The following UBE2QL1 variants were observed in gnomAD, a reference collection of about 807,000 sequenced individuals.
UBE2QL1 encodes ubiquitin-conjugating enzyme E2Q-like protein 1.
In UBE2QL1, 5 loss-of-function variants were observed where a neutral mutation model predicts 12.6. The ratio of observed to expected loss-of-function variants is 0.40; its 90% CI spans 0.21 to 0.83. UBE2QL1 has a LOEUF of 0.83. Ranked by LOEUF, UBE2QL1 falls within the 40% of genes least tolerant of loss-of-function variation. UBE2QL1 has a pLI of 0.37. For missense variants in UBE2QL1, 99 were observed against 222.6 expected (o/e 0.44, Z 3.53); for synonymous variants, 96 against 94.5 (o/e 1.02, Z -0.10).
rs59455219 is a variant in UBE2QL1 at position 6,474,851 on chromosome 5, A to G, written c.355-16367A>G. Among the ~76,000 whole-genome samples, 1,245 of 152,266 alleles carry G rather than the reference A, an allele frequency of 8.2e-3. 11 individuals carry two copies. The highest frequency in any genetic ancestry group is 0.029 in the African/African-American group (1,208 of 41,556). On this transcript the variant is annotated intron_variant, in intron 1 of 1. Transcript: ENST00000399816. Reference sequence around the variant, plus strand: ...CTTTGAGCACAGTCTCCAGAACCCAACTGGAGTCCCACCAGGTCACATCCC... The same window carrying G: ...CTTTGAGCACAGTCTCCAGAACCCAGCTGGAGTCCCACCAGGTCACATCCC...
intron 1 of UBE2QL1, among the ~76,000 whole-genome samples, chr5:6,470,718 TG>T (rs1299217930): frequency 6.6e-6 from 1 of 152,148 alleles, no homozygotes. Flanking sequence ...CCCTGTCGGG[TG>T]ACAGTTAGGA....
chr5:6,452,962 G>A (rs1267913645), intron 1 of UBE2QL1, among the ~76,000 whole-genome samples: 10 of 152,144 alleles, frequency 6.6e-5, no homozygotes, highest in African/African-American at 1.7e-4. Context: ...ATTAGGCATC[G>A]CCAGGGGCAG....
chr5:6,461,507 G>T (rs1440100866), intron 1 of UBE2QL1, among the ~76,000 whole-genome samples: 1 of 139,596 alleles, frequency 7.2e-6, no homozygotes, highest in Non-Finnish European at 1.5e-5. Context: ...TAGGCAGAAA[G>T]CATCCTCCTA....
In UBE2QL1 at chr5:6,491,219, G is replaced by T. The variant is rs970644529; in HGVS notation, c.356G>T (p.Gly119Val). The T allele has an allele frequency of 6.5e-7, 1 of 1,548,362 alleles. No homozygotes were observed. The highest frequency in any genetic ancestry group is 8.7e-7 in the Non-Finnish European group (1 of 1,145,664). Reference sequence around the variant, plus strand: ...GGTTTTTCTTCTCATCTCACGCAGGGACGGATCTGTAGAAAAGCTGGCAAA... The same window carrying T: ...GGTTTTTCTTCTCATCTCACGCAGGTACGGATCTGTAGAAAAGCTGGCAAA... ...QFAASLVKGQ[G>V]RICRKAGKSK... The change falls in exon 2 of 2, where the codon GGA becomes GTA. Residue 119 changes from glycine to valine, a missense_variant and splice_region_variant. Transcript: ENST00000399816.
rs1052208387 is a variant in UBE2QL1, at chr5:6,491,968, A to G, written c.*619A>G. 2.0e-5 allele frequency: 3 copies of G among 152,282 alleles called. No individual in the cohort carries two copies. The highest frequency in any genetic ancestry group is 7.2e-5 in the African/African-American group (3 of 41,468). The allele number at this position is 152,282 out of a possible 1,614,324, so 9.4% of individuals were successfully genotyped here. ...CAGGTTCTAGTGATTTAAAACCACA[A>G]CTGCCCACTTGGTGAAAACGTGCTC... On this transcript the variant is annotated 3_prime_UTR_variant, in exon 2 of 2. Coordinates refer to ENST00000399816, the MANE Select transcript of UBE2QL1 (RefSeq NM_001145161.3).
chr5:6,467,831 T>C (rs272483), intron 1 of UBE2QL1, among the ~76,000 whole-genome samples: 148,027 of 151,908 alleles, frequency 0.97, 72,251 homozygotes, highest in Middle Eastern at 1. Context: ...ATCGACACAT[T>C]CCTCCTCACA....
intron 1 of UBE2QL1, among the ~76,000 whole-genome samples, chr5:6,451,317 TATA>T (rs139180682): frequency 0.02 from 3,019 of 152,282 alleles, 34 homozygotes; most frequent in Middle Eastern, 0.058. Context: ...TAATGCTGTG[TATA>T]ATAATAATTC....
In UBE2QL1 at chr5:6,494,698, T is replaced by C. The variant is rs1413516329; in HGVS notation, c.*3349T>C. 6.6e-6 allele frequency: 1 copy of C among 152,192 alleles called. No individual in the cohort carries two copies. The highest frequency in any genetic ancestry group is 1.5e-5 in the Non-Finnish European group (1 of 68,040). The allele number at this position is 152,192 out of a possible 1,614,324, so 9.4% of individuals were successfully genotyped here. A position where few individuals can be genotyped will look rare whatever the true frequency, so the allele number is the denominator to read the frequency against. On this transcript the variant is annotated 3_prime_UTR_variant, in exon 2 of 2. Coordinates refer to ENST00000399816, the MANE Select transcript of UBE2QL1 (RefSeq NM_001145161.3). The stretch of plus-strand genomic sequence containing the variant: ...GCTTTAATTAGAACCCACTTAGATA[T>C]CGACTCAGAATGATCAATTACAGTG...
At chr5:6,469,844 C>T (rs2456229) in intron 1 of UBE2QL1, among the ~76,000 whole-genome samples, 1 of 152,040 alleles carries the variant, frequency 6.6e-6, no homozygotes, top group East Asian at 1.9e-4. Context: ...TTGATCTGCC[C>T]TCATGACGAT....
intron 1 of UBE2QL1, among the ~76,000 whole-genome samples, chr5:6,454,216 A>G (rs1273340998): frequency 6.6e-6 from 1 of 152,126 alleles, no homozygotes; most frequent in Non-Finnish European, 1.5e-5. Flanking sequence ...GCCCTGTATT[A>G]GGTTGCTGGG....
chr5:6,491,088 C>G, intron 1 of UBE2QL1, 130 bp from the exon 2 acceptor site: 2 of 1,044,212 alleles, frequency 1.9e-6, no homozygotes, highest in Non-Finnish European at 2.7e-6. Flanking sequence ...CCCCACCCTG[C>G]TGGTGGCCAG....
chr5:6,452,227 T>A (rs1422641138), intron 1 of UBE2QL1, among the ~76,000 whole-genome samples: 2 of 152,170 alleles, frequency 1.3e-5, no homozygotes, highest in African/African-American at 2.4e-5. Flanking sequence ...AAAGCTTAGG[T>A]TTATCACATC....
At chr5:6,454,729 A>C (rs1739483081) in intron 1 of UBE2QL1, among the ~76,000 whole-genome samples, 1 of 152,166 alleles carries the variant, frequency 6.6e-6, no homozygotes, top group South Asian at 2.1e-4. Context: ...TAGAGCAAAA[A>C]TAGTGACTGG....
chr5:6,449,875 C>CCCA lies in UBE2QL1; in HGVS notation c.354+629_354+630insCAC, dbSNP rs1553987107. On this transcript the variant is annotated intron_variant, in intron 1 of 1. Coordinates refer to ENST00000399816, the MANE Select transcript of UBE2QL1 (RefSeq NM_001145161.3). Reference sequence around the variant, plus strand: ...TGATCTCCCACCTCCCCAACCCCCCCCACACACACACACACAAGGCTCCTC... The same window carrying CCCA: ...TGATCTCCCACCTCCCCAACCCCCCCCCACACACACACACACACAAGGCTCCTC... Among the ~76,000 whole-genome samples, 8 of 147,894 alleles carry CCCA rather than the reference C, an allele frequency of 5.4e-5. No homozygotes were observed. The South Asian group carries it at 6.4e-4, about 12-fold the overall frequency.
chr5:6,470,328 G>T (rs1739884650), intron 1 of UBE2QL1, among the ~76,000 whole-genome samples: 1 of 152,184 alleles, frequency 6.6e-6, no homozygotes, highest in South Asian at 2.1e-4. Context: ...GCCAGGAAAA[G>T]CGTGGATTAC....
In UBE2QL1 at chr5:6,450,085, G is replaced by GACCC. The variant is rs1357966020; in HGVS notation, c.354+839_354+842dup. On this transcript the variant is annotated intron_variant, in intron 1 of 1. Transcript: ENST00000399816. Reference sequence around the variant, plus strand: ...GGCATTCCCTTAAGAGACAAGACCAGACCCCCCCCCCCCACGGCAATGCCT... The same window carrying GACCC: ...GGCATTCCCTTAAGAGACAAGACCAGACCCACCCCCCCCCCCCACGGCAATGCCT... 6.0e-4 allele frequency among the ~76,000 whole-genome samples: 67 copies of GACCC among 111,004 alleles called. 1 individual carries two copies. The highest frequency in any genetic ancestry group is 1.9e-3 in the African/African-American group (63 of 33,480). The allele number at this position is 111,004 out of a possible 152,430, so 72.8% of individuals were successfully genotyped here. A position where few individuals can be genotyped will look rare whatever the true frequency, so the allele number is the denominator to read the frequency against.
At chr5:6,456,947 C>T (rs551639505) in intron 1 of UBE2QL1, among the ~76,000 whole-genome samples, 41 of 152,004 alleles carry the variant, frequency 2.7e-4, no homozygotes, top group African/African-American at 9.2e-4. Flanking sequence ...GTGCTAGGCT[C>T]TCCTCTCCCG....
intron 1 of UBE2QL1, among the ~76,000 whole-genome samples, chr5:6,480,986 A>T (rs1449850595): frequency 6.6e-6 from 1 of 152,180 alleles, no homozygotes; most frequent in Non-Finnish European, 1.5e-5. Flanking sequence ...ACACTTTTTT[A>T]AAGAACCAGA....
Position 6,479,498 on chromosome 5 carries a change from A to C in UBE2QL1, c.355-11720A>C, listed in dbSNP as rs1298090120. 6.6e-6 allele frequency among the ~76,000 whole-genome samples: 1 copy of C among 152,182 alleles called. No individual in the cohort carries two copies. The highest frequency in any genetic ancestry group is 1.5e-5 in the Non-Finnish European group (1 of 68,030). ...GGAAATGTGTGCCTTAATGGAGCCA[A>C]GTCCAAGGAGTAAAATGTTGAAGCA... On this transcript the variant is annotated intron_variant, in intron 1 of 1. Coordinates refer to ENST00000399816, the MANE Select transcript of UBE2QL1 (RefSeq NM_001145161.3). The surrounding 1 kb of genome is among the most constrained non-coding windows in gnomAD (Gnocchi z 4.2).
Sources: gnomAD v4.1 joint callset for allele counts (sites outside exome capture counted in the v4.1 genomes callset) on GRCh38, gnomAD v4.1.1 for gene constraint, Gnocchi (gnomAD v3.1) non-coding constraint, MANE v1.5 for transcripts, NCBI Gene and HGNC (gene_info 2026-07-23, HGNC 2026-07-21) for gene names.